Variants in SYN3 observed in about 807,000 individuals in gnomAD.
SYN3 encodes the protein synapsin III, also known as synapsin-3.
A neutral mutation model predicts 65.8 loss-of-function variants in SYN3; 35 were observed. The ratio of observed to expected loss-of-function variants is 0.53; its 90% CI spans 0.41 to 0.70. The LOEUF (loss-of-function observed/expected upper bound fraction) is 0.70, where lower values mean the gene tolerates loss of function less well. Among genes scored for constraint, SYN3 ranks in the 30% least tolerant of loss-of-function variants. The pLI, the probability that SYN3 is intolerant of heterozygous loss-of-function variation, is 0.00. For synonymous variants in SYN3, 270 were observed against 292.9 expected (o/e 0.92, Z 0.80); for missense variants, 680 against 749.0 (o/e 0.91, Z 1.08).
chr22:32,790,103 G>A (rs2046286400), intron 6 of SYN3, among the ~76,000 whole-genome samples: 1 of 152,236 alleles, frequency 6.6e-6, no homozygotes. Flanking sequence ...GTTAAGAAAA[G>A]GCAGTAGTAA....
intron 10 of SYN3, among the ~76,000 whole-genome samples, chr22:32,530,571 C>T (rs932475097): frequency 8.6e-5 from 13 of 150,708 alleles, no homozygotes; most frequent in East Asian, 7.8e-4. Context: ...TTTTCCTCTA[C>T]GGGCCTATTT....
chr22:33,042,672 A>T (rs1198170510), intron 1 of SYN3, among the ~76,000 whole-genome samples: 1 of 152,134 alleles, frequency 6.6e-6, no homozygotes, highest in African/African-American at 2.4e-5. Flanking sequence ...GCTGCACCCT[A>T]CTTTATTAAA....
chr22:32,977,871 T>C (rs2052253264), intron 3 of SYN3, among the ~76,000 whole-genome samples: 1 of 152,126 alleles, frequency 6.6e-6, no homozygotes, highest in African/African-American at 2.4e-5. Context: ...CCAGGCCCAG[T>C]GCTACTTAGG....
chr22:33,043,821 G>A (rs531887419), intron 1 of SYN3, among the ~76,000 whole-genome samples: 11 of 152,248 alleles, frequency 7.2e-5, no homozygotes, highest in African/African-American at 2.4e-4. Flanking sequence ...TTGGGAGGCC[G>A]AGGCAGGCAG....
intron 6 of SYN3, among the ~76,000 whole-genome samples, chr22:32,824,332 T>C (rs2146083663): frequency 7.1e-6 from 1 of 141,208 alleles, no homozygotes; most frequent in African/African-American, 2.6e-5. Context: ...GAGCCAGCAG[T>C]TCCATCAGTG....
At chr22:33,024,201 C>G (rs2053603980) in intron 1 of SYN3, among the ~76,000 whole-genome samples, 1 of 152,224 alleles carries the variant, frequency 6.6e-6, no homozygotes, top group Non-Finnish European at 1.5e-5. Flanking sequence ...CACCAGCACC[C>G]TCCAGACTGG....
chr22:32,820,161 G>A (rs2146052351), intron 6 of SYN3, among the ~76,000 whole-genome samples: 1 of 152,122 alleles, frequency 6.6e-6, no homozygotes, highest in African/African-American at 2.4e-5. Flanking sequence ...CGTCTCTGAG[G>A]CTGGCTCCTG....
intron 6 of SYN3, among the ~76,000 whole-genome samples, chr22:32,659,478 C>A (rs1389750838): frequency 2.6e-5 from 4 of 152,284 alleles, no homozygotes; most frequent in African/African-American, 9.6e-5. Context: ...AAGAGCTCCA[C>A]CTGGACCTGT....
intron 7 of SYN3, among the ~76,000 whole-genome samples, chr22:32,586,807 T>A (rs1471926262): frequency 6.6e-6 from 1 of 152,176 alleles, no homozygotes; most frequent in Non-Finnish European, 1.5e-5. Context: ...ACTGTGTATG[T>A]TGCATTTGTG....
Position 32,818,176 on chromosome 22 carries a change from T to C in SYN3, c.711+46739A>G, listed in dbSNP as rs373069909. On this transcript the variant is annotated intron_variant, in intron 6 of 13. Coordinates refer to ENST00000358763, the MANE Select transcript of SYN3 (RefSeq NM_003490.4). ...AAAATTAATGGCACTGCCAGTTCAG[T>C]GGCTGCTCAGAGCGTTTTGGTGAAG... Among the ~76,000 whole-genome samples, 12 of 152,360 alleles carry C rather than the reference T, an allele frequency of 7.9e-5. No homozygotes were observed. In the South Asian group the frequency reaches 1.4e-3, roughly 18 times the overall value.
At chr22:32,907,800 C>G (rs2049941934) in intron 4 of SYN3, among the ~76,000 whole-genome samples, 1 of 152,126 alleles carries the variant, frequency 6.6e-6, no homozygotes, top group South Asian at 2.1e-4. Context: ...CCCCAAAAGG[C>G]TGCTATTGAT....
chr22:32,636,561 G>A (rs954256164), intron 6 of SYN3, among the ~76,000 whole-genome samples: 75 of 152,238 alleles, frequency 4.9e-4, no homozygotes, highest in African/African-American at 1.8e-3. Context: ...TTGACCTCTC[G>A]CCATCTGCAA....
chr22:32,559,759 G>A (rs752195303), intron 7 of SYN3, among the ~76,000 whole-genome samples: 4 of 151,940 alleles, frequency 2.6e-5, no homozygotes, highest in Non-Finnish European at 5.9e-5. Flanking sequence ...GAACCTGGGA[G>A]GCAGAGCTTG....
chr22:32,755,362 A>G (rs1261102666), intron 6 of SYN3, among the ~76,000 whole-genome samples: 1 of 152,160 alleles, frequency 6.6e-6, no homozygotes, highest in African/African-American at 2.4e-5. Context: ...TCCAGAGGGG[A>G]AAGCAATCTT....
At chr22:33,054,778 A>G (rs1040547764) in intron 1 of SYN3, among the ~76,000 whole-genome samples, 2 of 152,194 alleles carry the variant, frequency 1.3e-5, no homozygotes, top group African/African-American at 2.4e-5. Context: ...GTAACATTCT[A>G]TTGTATGTTA....
intron 6 of SYN3, among the ~76,000 whole-genome samples, chr22:32,627,820 G>GTT (rs2059690326): frequency 6.7e-6 from 1 of 149,742 alleles, no homozygotes; most frequent in African/African-American, 2.5e-5. Context: ...CATTTTTTTT[G>GTT]TTTGTTTTTG....
At chr22:32,551,560 T>C (rs1569029816) in intron 7 of SYN3, among the ~76,000 whole-genome samples, 2 of 151,482 alleles carry the variant, frequency 1.3e-5, no homozygotes, top group African/African-American at 2.4e-5. Context: ...TGAACTGTTA[T>C]AGATCATAAG....
intron 3 of SYN3, among the ~76,000 whole-genome samples, 175 bp from the exon 4 acceptor site, chr22:32,931,656 C>T (rs536978903): frequency 1.3e-5 from 2 of 152,312 alleles, no homozygotes; most frequent in African/African-American, 4.8e-5. Flanking sequence ...AGCTGAGGCT[C>T]TAAGAGGCCT....
intron 7 of SYN3, among the ~76,000 whole-genome samples, chr22:32,587,005 C>T (rs1027530910): frequency 1.3e-5 from 2 of 151,976 alleles, no homozygotes; most frequent in Admixed American, 6.6e-5. Context: ...AGGTGGATCA[C>T]GAGGTCAGGA....
Sources: allele counts gnomAD v4.1 joint callset (sites outside exome capture counted in the v4.1 genomes callset), GRCh38; gene constraint gnomAD v4.1.1; transcripts MANE v1.5; gene names NCBI Gene and HGNC (gene_info 2026-07-23, HGNC 2026-07-21).